CCDC171: variants seen among roughly 807,000 people sequenced by gnomAD.
The protein encoded by CCDC171 is coiled-coil domain containing 171.
CCDC171 carries 177 observed loss-of-function variants against 168.2 expected under a neutral mutation model. The observed-to-expected ratio is 1.05, with a 90% CI of 0.93 to 1.19. The LOEUF is 1.19. Ranked by LOEUF, CCDC171 falls within the 50% of genes most tolerant of loss-of-function variation. CCDC171 has a pLI of 0.00. For missense variants in CCDC171, 1,991 were observed against 1,539.0 expected (o/e 1.29, Z -4.91); for synonymous variants, 687 against 540.8 (o/e 1.27, Z -3.75).
intron 7 of CCDC171, among the ~76,000 whole-genome samples, chr9:15,647,387 G>T (rs989005352): frequency 6.6e-6 from 1 of 151,922 alleles, no homozygotes; most frequent in Non-Finnish European, 1.5e-5. Flanking sequence ...CAGAAGGCAA[G>T]ACATAACTAA....
At chr9:15,679,594 G>T (rs1042103092) in intron 10 of CCDC171, among the ~76,000 whole-genome samples, 1 of 152,062 alleles carries the variant, frequency 6.6e-6, no homozygotes, top group Non-Finnish European at 1.5e-5. Flanking sequence ...CTGTTGCCCA[G>T]GCTAGAGTGC....
chr9:15,751,471 A>G (rs951148244), intron 18 of CCDC171, among the ~76,000 whole-genome samples: 3 of 152,194 alleles, frequency 2.0e-5, no homozygotes, highest in Non-Finnish European at 2.9e-5. Flanking sequence ...AGCCAAGACA[A>G]TCCTAAGCAA....
In CCDC171 at chr9:15,744,644, T is replaced by A. The variant is rs79919960; in HGVS notation, c.2421T>A (p.Ala807=). The A allele has an allele frequency of 3.3e-3, 5,399 of 1,614,208 alleles. 169 individuals carry two copies. The African/African-American group carries it at 0.062, about 19-fold the overall frequency. Residue 807 remains alanine (A), a synonymous_variant, in exon 17 of 26, where the codon GCT becomes GCA. Coordinates refer to ENST00000380701, the MANE Select transcript of CCDC171 (RefSeq NM_173550.4). ...LIRIFRKGVI[A]VLAANRLKIL... is the part of the protein sequence containing the mutation. ...GTATATTTCGGAAAGGTGTTATTGC[T>A]GTTTTGGCAGCAAACAGACTCAAGA... is the stretch of plus-strand genomic sequence containing the variant.
At chr9:15,670,360 A>G (rs2133234590) in intron 9 of CCDC171, among the ~76,000 whole-genome samples, 2 of 152,310 alleles carry the variant, frequency 1.3e-5, no homozygotes, top group Middle Eastern at 6.8e-3. Flanking sequence ...TCTTGATTTT[A>G]TCAAATTAAT....
chr9:15,831,194 G>C (rs188715928), intron 21 of CCDC171, among the ~76,000 whole-genome samples: 1 of 151,584 alleles, frequency 6.6e-6, no homozygotes, highest in Non-Finnish European at 1.5e-5. Context: ...GGATGGTCTC[G>C]AACTCCTAAC....
intron 20 of CCDC171, 104 bp from the exon 21 acceptor site, chr9:15,784,405 G>C (rs2057829120): frequency 5.1e-6 from 3 of 589,422 alleles, no homozygotes; most frequent in Non-Finnish European, 8.2e-6. Flanking sequence ...AATGTATCAA[G>C]TGCCTAGAAA....
chr9:16,097,706 C>A, the CCDC171 span, among the ~76,000 whole-genome samples: 5 of 152,178 alleles, frequency 3.3e-5, no homozygotes, highest in Admixed American at 2.0e-4. Context: ...CCAGGGCAAG[C>A]CTTGCTAAGA....
At chr9:15,738,625 T>C (rs964953998) in intron 16 of CCDC171, among the ~76,000 whole-genome samples, 19 of 152,120 alleles carry the variant, frequency 1.2e-4, no homozygotes, top group Non-Finnish European at 1.0e-4. Context: ...ATTCGATTTT[T>C]TTTTTTAAAG....
chr9:15,686,658 GA>G (rs2050415372), intron 10 of CCDC171, among the ~76,000 whole-genome samples: 1 of 152,076 alleles, frequency 6.6e-6, no homozygotes, highest in Non-Finnish European at 1.5e-5. Flanking sequence ...AATGTTACTA[GA>G]GATAAAGAGG....
chr9:15,690,457 A>G (rs1587977941), intron 10 of CCDC171, among the ~76,000 whole-genome samples: 1 of 152,288 alleles, frequency 6.6e-6, no homozygotes, highest in East Asian at 1.9e-4. Context: ...TCTCACAAAT[A>G]GTTTTTAGAC....
At chr9:15,822,492 AAAAC>A (rs1200218391) in intron 21 of CCDC171, among the ~76,000 whole-genome samples, 1 of 152,218 alleles carries the variant, frequency 6.6e-6, no homozygotes, top group Non-Finnish European at 1.5e-5. Context: ...TACAAGAAAA[AAAAC>A]AAACACCCAC....
At chr9:15,748,476 C>G (rs2055461408) in intron 18 of CCDC171, among the ~76,000 whole-genome samples, 1 of 152,098 alleles carries the variant, frequency 6.6e-6, no homozygotes, top group South Asian at 2.1e-4. Context: ...CAGAGAACAC[C>G]ACAAAGATAT....
At chr9:15,665,121 A>G (rs1334441789) in intron 8 of CCDC171, among the ~76,000 whole-genome samples, 1 of 151,532 alleles carries the variant, frequency 6.6e-6, no homozygotes, top group Non-Finnish European at 1.5e-5. Context: ...TCAGACCTAA[A>G]CATTTTTTTT....
rs1426593844 is a variant in CCDC171, at chr9:15,807,123, ATCGCAGTTCTTAGTT to A, written c.3267+22432_3267+22446del. The stretch of plus-strand genomic sequence containing the variant: ...CATTTGTCAGCTCCTGTATGGTTTT[ATCGCAGTTCTTAGTT>A]TCCTTGGATTGCTTATGCCATTTTC... On this transcript the variant is annotated intron_variant, in intron 21 of 25. Transcript: ENST00000380701. Among the ~76,000 whole-genome samples, 40 of 152,120 alleles carry A rather than the reference ATCGCAGTTCTTAGTT, an allele frequency of 2.6e-4. 1 individual carries two copies. Among genetic ancestry groups the A allele is most frequent in the African/African-American group, 8.4e-4 (35 of 41,426 alleles).
At chr9:15,587,597 C>A (rs547154579) in intron 4 of CCDC171, 145 of 456,136 alleles carry the variant, frequency 3.2e-4, no homozygotes, top group Non-Finnish European at 5.6e-4. Context: ...CCTAATGATA[C>A]TGATGTTGGA....
At chr9:15,727,267 T>C (rs2053865930) in intron 14 of CCDC171, among the ~76,000 whole-genome samples, 1 of 152,190 alleles carries the variant, frequency 6.6e-6, no homozygotes, top group South Asian at 2.1e-4. Context: ...ATATCTTTCA[T>C]ATCACTATCT....
At chr9:15,637,960 T>C (rs1056781339) in intron 7 of CCDC171, among the ~76,000 whole-genome samples, 3 of 152,166 alleles carry the variant, frequency 2.0e-5, no homozygotes, top group South Asian at 2.1e-4. Context: ...AACAGCATGA[T>C]TTATAGTCCT....
At chr9:15,553,547 G>A (rs1049486167) in intron 1 of CCDC171, 2 of 152,562 alleles carry the variant, frequency 1.3e-5, no homozygotes, top group African/African-American at 4.8e-5. Context: ...GGAGGCAGAG[G>A]ACCGGGATTT....
intron 10 of CCDC171, among the ~76,000 whole-genome samples, chr9:15,687,427 TA>T (rs56774944): frequency 0.93 from 138,118 of 148,468 alleles, 64,308 homozygotes; most frequent in East Asian, 1. Flanking sequence ...CCCCGTCTCT[TA>T]AAAAAAAAAA....
Sources: gnomAD v4.1 joint callset for allele counts (sites outside exome capture counted in the v4.1 genomes callset) on GRCh38, gnomAD v4.1.1 for gene constraint, MANE v1.5 for transcripts, NCBI Gene and HGNC (gene_info 2026-07-23, HGNC 2026-07-21) for gene names.